The following BAG3 variants were observed in gnomAD, a reference collection of about 807,000 sequenced individuals.
The protein encoded by BAG3 is BAG family molecular chaperone regulator 3.
A neutral mutation model predicts 40.5 loss-of-function variants in BAG3; 14 were observed. That is an observed-to-expected ratio of 0.35 (90% CI 0.23 to 0.54). The LOEUF is 0.54. Among genes scored for constraint, BAG3 ranks in the 20% least tolerant of loss-of-function variants. BAG3 has a pLI of 0.91. For missense variants in BAG3, 788 were observed against 758.6 expected (o/e 1.04, Z -0.46); for synonymous variants, 302 against 307.8 (o/e 0.98, Z 0.20).
rs1847256562 is a variant in BAG3 at position 119,677,406 on chromosome 10, T to G, written c.*124T>G. On this transcript the variant is annotated 3_prime_UTR_variant, in exon 4 of 4. Coordinates refer to ENST00000369085, the MANE Select transcript of BAG3 (RefSeq NM_004281.4). Reference sequence around the variant, plus strand: ...GCTGCTTGGTATGCAGTAACTTGGGTGGAGGCAAAACACTAATAAAAGGGC... The same window carrying G: ...GCTGCTTGGTATGCAGTAACTTGGGGGGAGGCAAAACACTAATAAAAGGGC... 1 of 1,203,054 alleles carries G rather than the reference T, an allele frequency of 8.3e-7. No individual in the cohort carries two copies. The highest frequency in any genetic ancestry group is 2.5e-5 in the East Asian group (1 of 39,694). The allele number at this position is 1,203,054 out of a possible 1,614,324, so 74.5% of individuals were successfully genotyped here.
chr10:119,651,439 C>T lies in BAG3; in HGVS notation c.-237C>T. The T allele has an allele frequency of 2.4e-6, 1 of 410,088 alleles. No individual in the cohort carries two copies. The allele number at this position is 410,088 out of a possible 1,614,324, so 25.4% of individuals were successfully genotyped here. ...ACTGGACCAGAAGTTTCTAGCCGGC[C>T]AGTTGCTACCTCCCTTTATCTCCTC... On this transcript the variant is annotated 5_prime_UTR_variant, in exon 1 of 4. Coordinates refer to ENST00000369085, the MANE Select transcript of BAG3 (RefSeq NM_004281.4).
chr10:119,658,215 C>T (rs1728022762), intron 1 of BAG3, among the ~76,000 whole-genome samples: 1 of 152,204 alleles, frequency 6.6e-6, no homozygotes, highest in Non-Finnish European at 1.5e-5. Flanking sequence ...TTTAAAAATT[C>T]ATACAGTGGG....
rs1301572512 is a variant in BAG3, at chr10:119,668,469, T to TA, written c.181-1380dup. 6.6e-5 allele frequency among the ~76,000 whole-genome samples: 10 copies of TA among 152,360 alleles called. No individual in the cohort carries two copies. The East Asian group carries it at 1.9e-3, about 29-fold the overall frequency. On this transcript the variant is annotated intron_variant, in intron 1 of 3. Coordinates refer to ENST00000369085, the MANE Select transcript of BAG3 (RefSeq NM_004281.4). ...CGTCAGGAAAGATCACTCCCCTTCT[T>TA]AAGAGTTGCCTTACACAGATATATG...
At chr10:119,654,584 C>T (rs1004671830) in intron 1 of BAG3, among the ~76,000 whole-genome samples, 3 of 152,222 alleles carry the variant, frequency 2.0e-5, no homozygotes, top group South Asian at 2.1e-4. Flanking sequence ...TGAAGCAGGA[C>T]GGCTCCCGGC....
In BAG3 at chr10:119,672,781, A is replaced by C; in HGVS notation, c.909+125A>C. On this transcript the variant is annotated intron_variant, in intron 3 of 3. Coordinates refer to ENST00000369085, the MANE Select transcript of BAG3 (RefSeq NM_004281.4). This position sits in a 1 kb window ranked among gnomAD's most constrained non-coding sequence, Gnocchi z 4.8. ...TTTAACATGCGTGTACCTACAGGCA[A>C]GTGAGATTCGAGAAATTGCTAGGTA... 7.3e-7 allele frequency: 1 copy of C among 1,361,274 alleles called. No individual in the cohort carries two copies. The highest frequency in any genetic ancestry group is 1.0e-6 in the Non-Finnish European group (1 of 980,994). 84.3% of individuals were successfully genotyped at this position (1,361,274 alleles called of 1,614,324 possible).
rs2134068740 is a variant in BAG3, at chr10:119,676,553, T to A, written c.999T>A (p.Pro333=). 3 of 1,613,906 alleles carry A rather than the reference T, an allele frequency of 1.9e-6. No homozygotes were observed. The highest frequency in any genetic ancestry group is 2.5e-6 in the Non-Finnish European group (3 of 1,179,986). ...CAGGCCCAGTTGGACCAGAACTCCC[T>A]CCTGGACACATCCCAATTCAAGTGA... ...SKPGPVGPEL[P]PGHIPIQVIR... Residue 333 remains proline (P), a synonymous_variant, in exon 4 of 4, where the codon CCT becomes CCA. Transcript: ENST00000369085.
intron 1 of BAG3, among the ~76,000 whole-genome samples, chr10:119,658,704 T>C (rs1432624896): frequency 6.6e-6 from 1 of 152,150 alleles, no homozygotes; most frequent in Admixed American, 6.5e-5. Flanking sequence ...GGCCTTACCA[T>C]CAGACAAACC....
At chr10:119,670,207 TG>T in intron 2 of BAG3, 30 bp downstream of exon 2, 2 of 1,558,862 alleles carry the variant, frequency 1.3e-6, no homozygotes, top group Non-Finnish European at 1.7e-6. Context: ...ACCAGCCTGC[TG>T]GGGAGCAAGC....
At position 119,651,743 on chromosome 10, in the gene BAG3, C is replaced by T. The variant is rs1846843077; in HGVS notation, c.68C>T (p.Pro23Leu). The change falls in exon 1 of 4, where the codon CCC (proline) becomes CTC (leucine). Residue 23 changes from proline to leucine, a missense_variant. Transcript: ENST00000369085. Reference sequence around the variant, plus strand: ...GGCAACGGTGACCGCGACCCTTTGCCCCCCGGATGGGAGATCAAGATCGAC... The same window carrying T: ...GGCAACGGTGACCGCGACCCTTTGCTCCCCGGATGGGAGATCAAGATCGAC... Reference protein sequence around the residue: ...ASGNGDRDPLPPGWEIKIDPQ... With the variant: ...ASGNGDRDPLLPGWEIKIDPQ... 3.1e-6 allele frequency: 5 copies of T among 1,599,608 alleles called. No individual in the cohort carries two copies. The highest frequency in any genetic ancestry group is 4.3e-6 in the Non-Finnish European group (5 of 1,173,610).
intron 1 of BAG3, chr10:119,657,438 G>T: frequency 4.6e-6 from 2 of 437,742 alleles, no homozygotes; most frequent in Non-Finnish European, 4.8e-6. Context: ...GTGCTTCATC[G>T]CTGCCTCTTG....
chr10:119,675,818 T>C (rs1187623230), intron 3 of BAG3, among the ~76,000 whole-genome samples: 2 of 36,078 alleles, frequency 5.5e-5, no homozygotes, highest in African/African-American at 1.2e-4. Flanking sequence ...CCTTCCCTGC[T>C]TCCTTCCCCC....
At position 119,672,698 on chromosome 10, in the gene BAG3, G is replaced by A. The variant is rs377505967; in HGVS notation, c.909+42G>A. ...GTCAGCAGACTGGTTATGGTGGTAT[G>A]TCTCCAGGGGTGCAGGAGCTCTGTG... On this transcript the variant is annotated intron_variant, in intron 3 of 3. Coordinates refer to ENST00000369085, the MANE Select transcript of BAG3 (RefSeq NM_004281.4). The surrounding 1 kb of genome is among the most constrained non-coding windows in gnomAD (Gnocchi z 4.8). 4 of 1,605,622 alleles carry A rather than the reference G, an allele frequency of 2.5e-6. No homozygotes were observed. Among genetic ancestry groups the A allele is most frequent in the South Asian group, 1.1e-5 (1 of 91,008 alleles).
intron 3 of BAG3, among the ~76,000 whole-genome samples, chr10:119,673,879 G>A (rs1223914774): frequency 6.6e-6 from 1 of 152,208 alleles, no homozygotes; most frequent in African/African-American, 2.4e-5. Context: ...CAGACATCAT[G>A]TCCCTTTTCC....
intron 1 of BAG3, among the ~76,000 whole-genome samples, chr10:119,665,143 T>TTTTTTTTTTTCC (rs1564771840): frequency 8.8e-6 from 1 of 113,750 alleles, no homozygotes; most frequent in African/African-American, 3.4e-5. Context: ...TATATATATA[T>TTTTTTTTTTTCC]ATTTTTTTTT....
At position 119,651,603 on chromosome 10, in the gene BAG3, G is replaced by T; in HGVS notation, c.-73G>T. The T allele has an allele frequency of 7.4e-7, 1 of 1,342,394 alleles. No individual in the cohort carries two copies. Among genetic ancestry groups the T allele is most frequent in the Admixed American group, 3.8e-5 (1 of 26,622 alleles). The allele number at this position is 1,342,394 out of a possible 1,614,324, so 83.2% of individuals were successfully genotyped here. A position where few individuals can be genotyped will look rare whatever the true frequency, so the allele number is the denominator to read the frequency against. ...GCGGCGGAGAGGGGCCCACGGCGGCGGCCCGGCCAGAGACTCGGCGCCCGG... is the reference window on the plus strand; with the variant it reads ...GCGGCGGAGAGGGGCCCACGGCGGCTGCCCGGCCAGAGACTCGGCGCCCGG... On this transcript the variant is annotated 5_prime_UTR_variant, in exon 1 of 4. Transcript: ENST00000369085.
At chr10:119,660,199 C>T (rs551062645) in intron 1 of BAG3, among the ~76,000 whole-genome samples, 1 of 152,316 alleles carries the variant, frequency 6.6e-6, no homozygotes, top group East Asian at 1.9e-4. Context: ...TGTTCTGCTC[C>T]CAGGCGGACC....
intron 2 of BAG3, among the ~76,000 whole-genome samples, chr10:119,670,485 G>A (rs1405421468): frequency 6.6e-6 from 1 of 152,258 alleles, no homozygotes; most frequent in African/African-American, 2.4e-5. Context: ...CAGGTGGAGG[G>A]AGCAGAGCTG....
rs886039025 is a variant in BAG3 at position 119,676,816 on chromosome 10, G to A, written c.1262G>A (p.Gly421Glu). 3.1e-6 allele frequency: 5 copies of A among 1,614,146 alleles called. No homozygotes were observed. The highest frequency in any genetic ancestry group is 4.5e-5 in the East Asian group (2 of 44,890). Reference sequence around the variant, plus strand: ...GCCGAGGCTCCCCCAAAACATCCAGGAGTGCTGAAAGTGGAAGCCATCCTG... The same window carrying A: ...GCCGAGGCTCCCCCAAAACATCCAGAAGTGCTGAAAGTGGAAGCCATCCTG... ...GEAEAPPKHP[G>E]VLKVEAILEK... The change falls in exon 4 of 4, where the codon GGA becomes GAA. Residue 421 changes from glycine (G) to glutamate (E), a missense_variant. By Grantham distance (98) the Gly-to-Glu change is moderately conservative (BLOSUM62 -2). Transcript: ENST00000369085.
At chr10:119,669,326 G>C (rs1414307340) in intron 1 of BAG3, among the ~76,000 whole-genome samples, 2 of 152,286 alleles carry the variant, frequency 1.3e-5, no homozygotes, top group Admixed American at 1.3e-4. Flanking sequence ...ATACTCCTGA[G>C]GAGGCAGCCC....
Sources: allele counts gnomAD v4.1 joint callset (sites outside exome capture counted in the v4.1 genomes callset), GRCh38; gene constraint gnomAD v4.1.1; non-coding constraint Gnocchi (gnomAD v3.1); transcripts MANE v1.5; gene names NCBI Gene and HGNC (gene_info 2026-07-23, HGNC 2026-07-21).